Variants in IGHMBP2 observed in about 807,000 individuals in gnomAD.
IGHMBP2 encodes DNA-binding protein SMUBP-2.
Under a neutral mutation model 96.0 loss-of-function variants are expected in IGHMBP2, and 81 were observed. That is an observed-to-expected ratio of 0.84 (90% CI 0.71 to 1.01). The LOEUF (loss-of-function observed/expected upper bound fraction) is 1.01, where lower values mean the gene tolerates loss of function less well. IGHMBP2 is among the 50% of genes least tolerant of loss of function. The probability of loss-of-function intolerance (pLI) is 0.00; values close to 1 mark genes in which losing one functional copy is unlikely to be tolerated. For missense variants in IGHMBP2, 1,227 were observed against 1,306.3 expected (o/e 0.94, Z 0.94); for synonymous variants, 557 against 548.9 (o/e 1.01, Z -0.21).
At chr11:68,909,244 A>C (rs925753461) in intron 4 of IGHMBP2, among the ~76,000 whole-genome samples, 16 of 147,270 alleles carry the variant, frequency 1.1e-4, no homozygotes, top group Admixed American at 3.4e-4. Context: ...TAGTGGCATG[A>C]TCTTGGCTCA....
Position 68,917,827 on chromosome 11 carries a change from A to C in IGHMBP2, c.1004A>C (p.Glu335Ala), listed in dbSNP as rs1858728111. ...LLRKELKEREEAAMLESLTSA... is the reference protein window; with the variant it reads ...LLRKELKEREAAAMLESLTSA... ...AGAAAAGAACTGAAGGAGAGGGAAG[A>C]AGCAGCTATGCTCGAGAGCCTCACT... Residue 335 changes from glutamate to alanine, a missense_variant, in exon 7 of 15, where the codon GAA (glutamate) becomes GCA (alanine). Glu to Ala is a moderately radical substitution (Grantham distance 107, BLOSUM62 -1). Coordinates refer to ENST00000255078, the MANE Select transcript of IGHMBP2 (RefSeq NM_002180.3). 1 of 1,614,142 alleles carries C rather than the reference A, an allele frequency of 6.2e-7. No individual in the cohort carries two copies. The highest frequency in any genetic ancestry group is 8.5e-7 in the Non-Finnish European group (1 of 1,179,970).
chr11:68,936,616 C>G lies in IGHMBP2; in HGVS notation c.2136C>G (p.Leu712=). The G allele has an allele frequency of 6.2e-7, 1 of 1,613,688 alleles. No homozygotes were observed. Among genetic ancestry groups the G allele is most frequent in the Non-Finnish European group, 8.5e-7 (1 of 1,179,866 alleles). The change falls in exon 13 of 15, where the codon CTC becomes CTG. Residue 712 remains leucine (L), a synonymous_variant. Coordinates refer to ENST00000255078, the MANE Select transcript of IGHMBP2 (RefSeq NM_002180.3). ...LASEAPSQPS[L]NGGSPEGVES... ...CTGAAGCTCCATCTCAGCCCAGCCT[C>G]AACGGAGGCAGCCCAGAGGGAGTGG...
chr11:68,921,185 C>T (rs200761033), intron 7 of IGHMBP2, among the ~76,000 whole-genome samples: 12 of 147,412 alleles, frequency 8.1e-5, no homozygotes, highest in Admixed American at 8.1e-4. Context: ...TTGAACATTT[C>T]TTTTTTTTTT....
At position 68,908,592 on chromosome 11, in the gene IGHMBP2, C is replaced by T. The variant is rs1396762854; in HGVS notation, c.508C>T (p.Leu170Phe). 1.6e-5 allele frequency: 26 copies of T among 1,613,996 alleles called. No individual in the cohort carries two copies. Among genetic ancestry groups the T allele is most frequent in the South Asian group, 2.2e-5 (2 of 91,084 alleles). The change falls in exon 4 of 15, where the codon CTC becomes TTC. Residue 170 changes from leucine (L) to phenylalanine (F), a missense_variant. By Grantham distance (22) the Leu-to-Phe change is conservative (BLOSUM62 0). Transcript: ENST00000255078. ...CCCAGCCTCCTCACTCATAGAAGTG[C>T]TCTTTGGCAGATCTGCTCCCAGTCC... is the stretch of plus-strand genomic sequence containing the variant. ...SGPASSLIEVLFGRSAPSPAS... is the reference protein window; with the variant it reads ...SGPASSLIEVFFGRSAPSPAS...
intron 8 of IGHMBP2, among the ~76,000 whole-genome samples, chr11:68,930,755 C>G (rs1859263328): frequency 6.6e-6 from 1 of 152,144 alleles, no homozygotes; most frequent in Admixed American, 6.5e-5. Flanking sequence ...GTGGGTAGCT[C>G]CTCTCTGTAG....
At position 68,939,547 on chromosome 11, in the gene IGHMBP2, G is replaced by T. The variant is rs759609027; in HGVS notation, c.2798G>T (p.Gly933Val). Residue 933 changes from glycine to valine, a missense_variant, in exon 15 of 15, where the codon GGT becomes GTT. Gly to Val is a moderately radical substitution (Grantham distance 109). Around this residue, in one of 3 missense-constraint regions of IGHMBP2, gnomAD observed 703 missense variants for 770.3 expected, o/e 0.91. Coordinates refer to ENST00000255078, the MANE Select transcript of IGHMBP2 (RefSeq NM_002180.3). ...SHHLPEIHGC[G>V]ERARAHARQR... ...TGTCCTCCCCAGATCCATGGCTGCGGTGAGAGGGCTCGCGCCCATGCCCGG... is the reference window on the plus strand; with the variant it reads ...TGTCCTCCCCAGATCCATGGCTGCGTTGAGAGGGCTCGCGCCCATGCCCGG... 2.6e-5 allele frequency: 42 copies of T among 1,612,004 alleles called. No homozygotes were observed. Among genetic ancestry groups the T allele is most frequent in the Non-Finnish European group, 2.5e-6 (3 of 1,180,028 alleles).
chr11:68,908,745 T>A, intron 4 of IGHMBP2, 114 bp downstream of exon 4: 2 of 735,280 alleles, frequency 2.7e-6, no homozygotes, highest in Admixed American at 4.1e-5. Flanking sequence ...AGAAGAAGTC[T>A]CCCTGAACAT....
chr11:68,935,608 G>A (rs1034204670), intron 12 of IGHMBP2, among the ~76,000 whole-genome samples, 186 bp downstream of exon 12: 2 of 152,182 alleles, frequency 1.3e-5, no homozygotes, highest in Non-Finnish European at 2.9e-5. Context: ...GCTCAGAGGC[G>A]TGAGTGTGCT....
At chr11:68,935,789 G>T (rs1434223248) in intron 12 of IGHMBP2, among the ~76,000 whole-genome samples, 1 of 152,268 alleles carries the variant, frequency 6.6e-6, no homozygotes, top group Non-Finnish European at 1.5e-5. Flanking sequence ...TGCTGCTGTG[G>T]TGTGTGGGCT....
At chr11:68,913,987 C>G (rs1407415807) in intron 5 of IGHMBP2, among the ~76,000 whole-genome samples, 1 of 152,110 alleles carries the variant, frequency 6.6e-6, no homozygotes, top group East Asian at 1.9e-4. Context: ...ATCCTCAAAC[C>G]CATCTCCCTG....
intron 8 of IGHMBP2, among the ~76,000 whole-genome samples, chr11:68,931,330 G>A (rs1048739523): frequency 6.6e-6 from 1 of 152,090 alleles, no homozygotes; most frequent in Admixed American, 6.5e-5. Flanking sequence ...AAGAGCTCCC[G>A]ACCCACCACC....
intron 13 of IGHMBP2, 78 bp from the exon 14 acceptor site, chr11:68,938,104 A>T: frequency 6.6e-7 from 1 of 1,504,360 alleles, no homozygotes; most frequent in South Asian, 1.1e-5. Flanking sequence ...GTGCTTAGCC[A>T]TGAATTGATT....
chr11:68,933,119 T>G, intron 8 of IGHMBP2, 180 bp from the exon 9 acceptor site: 1 of 631,728 alleles, frequency 1.6e-6, no homozygotes, highest in Non-Finnish European at 2.8e-6. Context: ...CCTTGGCGAT[T>G]GGATGTAGGT....
intron 5 of IGHMBP2, among the ~76,000 whole-genome samples, chr11:68,913,570 A>G (rs1302770490): frequency 6.6e-6 from 1 of 151,900 alleles, no homozygotes; most frequent in Non-Finnish European, 1.5e-5. Context: ...TGGCCTCCCA[A>G]AGTGCTGGGA....
rs1375573772 is a variant in IGHMBP2 at position 68,939,763 on chromosome 11, C to A, written c.*32C>A. 7.0e-6 allele frequency: 11 copies of A among 1,576,946 alleles called. No individual in the cohort carries two copies. The Admixed American group carries it at 1.9e-4, about 27-fold the overall frequency. On this transcript the variant is annotated 3_prime_UTR_variant, in exon 15 of 15. Transcript: ENST00000255078. ...GCATCCTTGCACGCCCCGCGGAGCTCTCTCCATGGTAGCCCAGGGCGCTGG... is the reference window on the plus strand; with the variant it reads ...GCATCCTTGCACGCCCCGCGGAGCTATCTCCATGGTAGCCCAGGGCGCTGG...
At chr11:68,918,838 C>A (rs1208534049) in intron 7 of IGHMBP2, among the ~76,000 whole-genome samples, 1 of 152,192 alleles carries the variant, frequency 6.6e-6, no homozygotes, top group Non-Finnish European at 1.5e-5. Context: ...TCCCAAAGAA[C>A]CAGCTTTTGC....
chr11:68,920,901 C>G (rs1412314358), intron 7 of IGHMBP2, among the ~76,000 whole-genome samples: 1 of 152,226 alleles, frequency 6.6e-6, no homozygotes, highest in Admixed American at 6.5e-5. Context: ...CCCACCTCAG[C>G]TTCCCGAGTA....
At chr11:68,914,729 TTC>T in intron 5 of IGHMBP2, 92 bp from the exon 6 acceptor site, 2 of 1,341,462 alleles carry the variant, frequency 1.5e-6, no homozygotes, top group Non-Finnish European at 2.1e-6. Context: ...TGCCTTGTGC[TTC>T]TTTCTACCTT....
Position 68,939,540 on chromosome 11 carries a change from G to C in IGHMBP2, c.2791G>C (p.Gly931Arg), listed in dbSNP as rs1411176347. 5 of 1,611,862 alleles carry C rather than the reference G, an allele frequency of 3.1e-6. No homozygotes were observed. In the East Asian group the frequency reaches 1.1e-4, roughly 36 times the overall value. ...CLSHHLPEIH[G>R]CGERARAHAR... ...ATTCTTGTGTCCTCCCCAGATCCATGGCTGCGGTGAGAGGGCTCGCGCCCA... is the reference window on the plus strand; with the variant it reads ...ATTCTTGTGTCCTCCCCAGATCCATCGCTGCGGTGAGAGGGCTCGCGCCCA... The change falls in exon 15 of 15, where the codon GGC becomes CGC. Residue 931 changes from glycine (G) to arginine (R), a missense_variant. Gly to Arg is a moderately radical substitution (Grantham distance 125). Transcript: ENST00000255078.
Sources: allele counts gnomAD v4.1 joint callset (sites outside exome capture counted in the v4.1 genomes callset), GRCh38; gene constraint gnomAD v4.1.1; regional missense constraint gnomAD v4.1.1; transcripts MANE v1.5; gene names NCBI Gene and HGNC (gene_info 2026-07-23, HGNC 2026-07-21).